Variants in PPFIBP1 observed in about 807,000 individuals in gnomAD.
PPFIBP1 encodes PPFIB scaffold protein 1.
Under a neutral mutation model 137.8 loss-of-function variants are expected in PPFIBP1, and 112 were observed. That is an observed-to-expected ratio of 0.81 (90% confidence interval 0.70 to 0.95). PPFIBP1 has a LOEUF of 0.95. Among genes scored for constraint, PPFIBP1 ranks in the 40% least tolerant of loss-of-function variants. The pLI, the probability that PPFIBP1 is intolerant of heterozygous loss-of-function variation, is 0.00. For missense variants in PPFIBP1, 1,083 were observed against 1,196.6 expected, an observed-to-expected ratio of 0.91 and a Z score of 1.40; for synonymous variants, 378 against 417.3, an observed-to-expected ratio of 0.91 and a Z score of 1.15.
chr12:27,677,702 T>C (rs980436331), intron 19 of PPFIBP1: 1 of 152,332 alleles, frequency 6.6e-6, no homozygotes, highest in Non-Finnish European at 1.5e-5. Flanking sequence ...TTTTCCTCTT[T>C]GTAAGGCAGG....
At chr12:27,565,534 C>A (rs1425023479) in intron 1 of PPFIBP1, among the ~76,000 whole-genome samples, 1 of 152,166 alleles carries the variant, frequency 6.6e-6, no homozygotes, top group Non-Finnish European at 1.5e-5. Context: ...AGGGTCACTT[C>A]TTTTCCTTCC....
chr12:27,681,741 A>T (rs2060887134), intron 22 of PPFIBP1, 45 bp downstream of exon 22: 2 of 1,602,104 alleles, frequency 1.2e-6, no homozygotes, highest in East Asian at 4.5e-5. Flanking sequence ...ACTGAGAAGA[A>T]AACAGTATGA....
At chr12:27,677,598 A>T (rs2060604130) in intron 19 of PPFIBP1, 1 of 154,490 alleles carries the variant, frequency 6.5e-6, no homozygotes, top group South Asian at 2.0e-4. Flanking sequence ...TATTACTTTG[A>T]AGATGGAGAT....
intron 1 of PPFIBP1, among the ~76,000 whole-genome samples, chr12:27,534,721 G>A (rs1268727060): frequency 6.6e-6 from 1 of 152,080 alleles, no homozygotes; most frequent in Non-Finnish European, 1.5e-5. Flanking sequence ...CCACAGCTAG[G>A]GTTTGGTTAA....
chr12:27,581,494 G>A (rs920639599), intron 2 of PPFIBP1, among the ~76,000 whole-genome samples: 1 of 152,220 alleles, frequency 6.6e-6, no homozygotes, highest in Non-Finnish European at 1.5e-5. Context: ...CCACCCTGTA[G>A]TGTAGTGGTT....
At chr12:27,612,926 A>ACATCATCATCATCATCAT (rs71039826) in intron 2 of PPFIBP1, among the ~76,000 whole-genome samples, 1 of 148,902 alleles carries the variant, frequency 6.7e-6, no homozygotes, top group Non-Finnish European at 1.5e-5. Flanking sequence ...TAGATAATAC[A>ACATCATCATCATCATCAT]CATCATCATC....
intron 1 of PPFIBP1, among the ~76,000 whole-genome samples, chr12:27,576,723 A>G (rs2050594622): frequency 6.6e-6 from 1 of 152,116 alleles, no homozygotes; most frequent in African/African-American, 2.4e-5. Flanking sequence ...ACTAGATTTT[A>G]ATCTAATTAT....
chr12:27,614,841 G>A (rs1000539673), intron 2 of PPFIBP1, among the ~76,000 whole-genome samples: 1 of 152,124 alleles, frequency 6.6e-6, no homozygotes, highest in Non-Finnish European at 1.5e-5. Flanking sequence ...AAATGTTAGG[G>A]TGATTTATTT....
intron 1 of PPFIBP1, among the ~76,000 whole-genome samples, chr12:27,552,208 T>C (rs928546583): frequency 5.2e-5 from 8 of 152,382 alleles, no homozygotes; most frequent in African/African-American, 1.9e-4. Context: ...ATGGGTGTTA[T>C]ATTTTAAATT....
intron 2 of PPFIBP1, chr12:27,592,350 C>T (rs2052621677): frequency 3.6e-6 from 2 of 557,316 alleles, no homozygotes; most frequent in Admixed American, 3.7e-5. Context: ...ACATGGGTAA[C>T]AAGAACGTTT....
Position 27,689,060 on chromosome 12 carries a change from A to G in PPFIBP1, c.2542A>G (p.Asn848Asp). 6.2e-7 allele frequency: 1 copy of G among 1,613,838 alleles called. No individual in the cohort carries two copies. Among genetic ancestry groups the G allele is most frequent in the Non-Finnish European group, 8.5e-7 (1 of 1,179,954 alleles). The stretch of plus-strand genomic sequence containing the variant: ...CGTAGAAACAATGGCTCAGTTATTG[A>G]ACATCCCACCCAATAAGACTTTGCT... ...FNVETMAQLL[N>D]IPPNKTLLRR... The change falls in exon 27 of 30, where the codon AAC (asparagine) becomes GAC (aspartate). Residue 848 changes from asparagine (N) to aspartate (D), a missense_variant. Asn to Asp is a conservative substitution (Grantham distance 23, BLOSUM62 1). Transcript: ENST00000228425.
intron 4 of PPFIBP1, among the ~76,000 whole-genome samples, chr12:27,638,090 T>C (rs1181229760): frequency 6.6e-6 from 1 of 152,030 alleles, no homozygotes; most frequent in Non-Finnish European, 1.5e-5. Context: ...TTACTGCACA[T>C]AGAATTTCAG....
At chr12:27,668,148 G>A (rs1224826594) in intron 13 of PPFIBP1, among the ~76,000 whole-genome samples, 2 of 152,122 alleles carry the variant, frequency 1.3e-5, no homozygotes, top group South Asian at 2.1e-4. Context: ...AAATACACTC[G>A]CCCCCTTTCC....
intron 2 of PPFIBP1, among the ~76,000 whole-genome samples, chr12:27,589,352 A>G (rs17223953): frequency 0.033 from 5,019 of 152,110 alleles, 122 homozygotes; most frequent in South Asian, 0.048. Flanking sequence ...TGAGCCGTGA[A>G]TTTTCTGGTC....
Position 27,679,725 on chromosome 12 carries a change from C to A in PPFIBP1, c.1766+86C>A, listed in dbSNP as rs2060768990. 7 of 1,461,018 alleles carry A rather than the reference C, an allele frequency of 4.8e-6. No individual in the cohort carries two copies. In the East Asian group the frequency reaches 1.6e-4, roughly 33 times the overall value. 90.5% of individuals were successfully genotyped at this position (1,461,018 alleles called of 1,614,324 possible). On this transcript the variant is annotated intron_variant, in intron 20 of 29. Coordinates refer to ENST00000228425, the MANE Select transcript of PPFIBP1 (RefSeq NM_003622.4). ...GGACATGGGTATGGACTTTGTAAGG[C>A]CTTTGTATTCCTCTTATGGAAGGAA...
chr12:27,625,385 G>A (rs941581979), intron 2 of PPFIBP1, among the ~76,000 whole-genome samples: 3 of 151,678 alleles, frequency 2.0e-5, no homozygotes, highest in Non-Finnish European at 2.9e-5. Flanking sequence ...TTATTTTAAA[G>A]CAAATTCCAA....
chr12:27,568,182 A>G (rs1219717499), intron 1 of PPFIBP1, among the ~76,000 whole-genome samples: 1 of 152,240 alleles, frequency 6.6e-6, no homozygotes, highest in Non-Finnish European at 1.5e-5. Flanking sequence ...AAGAAGGGTC[A>G]TGGGATCTCA....
intron 4 of PPFIBP1, chr12:27,635,489 A>G (rs1166262636): frequency 3.6e-5 from 11 of 304,168 alleles, no homozygotes; most frequent in East Asian, 1.1e-4. Flanking sequence ...TAGCAATTCT[A>G]AATGGAAAGC....
chr12:27,580,609 T>G (rs2051006972), intron 2 of PPFIBP1, among the ~76,000 whole-genome samples: 1 of 152,032 alleles, frequency 6.6e-6, no homozygotes, highest in Admixed American at 6.5e-5. Context: ...TGATACTTTA[T>G]GAGCGTTTTC....
Sources: gnomAD v4.1 joint callset for allele counts (sites outside exome capture counted in the v4.1 genomes callset) on GRCh38, gnomAD v4.1.1 for gene constraint, MANE v1.5 for transcripts, NCBI Gene and HGNC (gene_info 2026-07-23, HGNC 2026-07-21) for gene names.